Variants in NEBL observed in about 807,000 individuals in gnomAD.
The protein encoded by NEBL is LIM and SH3 protein 2.
In NEBL, 122 loss-of-function variants were observed where a neutral mutation model predicts 140.2. The ratio of observed to expected loss-of-function variants is 0.87; its 90% CI spans 0.75 to 1.01. The LOEUF (loss-of-function observed/expected upper bound fraction) is 1.01, where lower values mean the gene tolerates loss of function less well. NEBL is among the 50% of genes least tolerant of loss of function. The probability of loss-of-function intolerance (pLI) is 0.00; values close to 1 mark genes in which losing one functional copy is unlikely to be tolerated. For missense variants in NEBL, 1,365 were observed against 1,231.3 expected, an observed-to-expected ratio of 1.11 and a Z score of -1.62; for synonymous variants, 436 against 398.9, an observed-to-expected ratio of 1.09 and a Z score of -1.11.
intron 26 of NEBL, among the ~76,000 whole-genome samples, chr10:20,792,486 T>C (rs1243535695): frequency 6.6e-6 from 1 of 152,194 alleles, no homozygotes; most frequent in Non-Finnish European, 1.5e-5. Context: ...TATTAAATAA[T>C]GAACTAGATC....
At chr10:21,259,206 G>A (rs1335409251) in intron 1 of NEBL, among the ~76,000 whole-genome samples, 2 of 151,954 alleles carry the variant, frequency 1.3e-5, no homozygotes, top group African/African-American at 4.8e-5. Flanking sequence ...TTGTGCCTCA[G>A]CCTCCCGAGC....
chr10:20,932,219 C>A (rs1394880088), intron 4 of NEBL, among the ~76,000 whole-genome samples: 1 of 152,194 alleles, frequency 6.6e-6, no homozygotes, highest in Non-Finnish European at 1.5e-5. Flanking sequence ...TTCGTATACA[C>A]CATGGAATAC....
chr10:20,897,094 C>T (rs767502540), intron 1 of NEBL, 31 bp downstream of exon 1: 37 of 1,592,590 alleles, frequency 2.3e-5, no homozygotes, highest in South Asian at 2.1e-4. Context: ...GAGGAACAAA[C>T]GCTGGTCTGA....
At chr10:21,004,364 G>A (rs1366835397) in intron 3 of NEBL, among the ~76,000 whole-genome samples, 1 of 152,112 alleles carries the variant, frequency 6.6e-6, no homozygotes, top group Non-Finnish European at 1.5e-5. Flanking sequence ...AAAATGCCAG[G>A]AGTGTTCATT....
At chr10:21,043,905 T>A (rs1162755698) in intron 2 of NEBL, among the ~76,000 whole-genome samples, 37 of 152,330 alleles carry the variant, frequency 2.4e-4, no homozygotes, top group Admixed American at 2.2e-3. Context: ...GAGAGAATTA[T>A]AAAATGAGTG....
intron 1 of NEBL, among the ~76,000 whole-genome samples, chr10:21,256,659 T>G (rs1368300024): frequency 6.6e-6 from 1 of 152,120 alleles, no homozygotes; most frequent in Non-Finnish European, 1.5e-5. Context: ...AGTGAGACCC[T>G]GTCTCTAAAA....
Position 21,243,447 on chromosome 10 carries a change from C to T in NEBL, n.348+4474G>A, listed in dbSNP as rs183069990. ...TCAGCCTCTGAAGTAGCTGGGATTA[C>T]AGGTGCACGCCATCACGCCTCGCTA... is the stretch of plus-strand genomic sequence containing the variant. On this transcript the variant is annotated intron_variant and non_coding_transcript_variant, in intron 3 of 8. Coordinates refer to the NEBL transcript ENST00000675702. 1.8e-3 allele frequency among the ~76,000 whole-genome samples: 280 copies of T among 152,002 alleles called. 3 individuals carry two copies. The highest frequency in any genetic ancestry group is 6.5e-3 in the African/African-American group (269 of 41,474).
intron 1 of NEBL, among the ~76,000 whole-genome samples, chr10:21,278,942 C>T (rs771218174): frequency 3.3e-5 from 5 of 152,088 alleles, no homozygotes; most frequent in Admixed American, 6.5e-5. Flanking sequence ...ATGGCACCTC[C>T]CTGAGGCCCT....
chr10:21,233,385 A>G (rs1320866678), intron 3 of NEBL, among the ~76,000 whole-genome samples: 2 of 152,096 alleles, frequency 1.3e-5, no homozygotes, highest in African/African-American at 4.8e-5. Flanking sequence ...ACTCTGGCAC[A>G]CTATTCAGAA....
intron 2 of NEBL, among the ~76,000 whole-genome samples, chr10:21,085,617 G>A (rs982955125): frequency 5.3e-5 from 8 of 151,924 alleles, no homozygotes; most frequent in Admixed American, 2.0e-4. Context: ...CCTCAGCGAC[G>A]GAGTAAGACC....
At chr10:20,801,156 C>T (rs1260958640) in intron 26 of NEBL, among the ~76,000 whole-genome samples, 1 of 152,040 alleles carries the variant, frequency 6.6e-6, no homozygotes, top group East Asian at 1.9e-4. Context: ...ATTCCTTTCC[C>T]ATTTCTCTAC....
At chr10:21,170,016 G>C (rs1221554598) in intron 2 of NEBL, among the ~76,000 whole-genome samples, 2 of 152,144 alleles carry the variant, frequency 1.3e-5, no homozygotes, top group Admixed American at 6.5e-5. Context: ...TCAAGTCAAA[G>C]TGCAAAATAG....
At chr10:20,886,164 A>G (rs1046378817) in intron 4 of NEBL, among the ~76,000 whole-genome samples, 8 of 152,136 alleles carry the variant, frequency 5.3e-5, no homozygotes, top group Non-Finnish European at 8.8e-5. Context: ...CATCCTGCAC[A>G]TGTACCCCAG....
chr10:21,166,704 C>T (rs997165329), intron 2 of NEBL, among the ~76,000 whole-genome samples: 3 of 152,182 alleles, frequency 2.0e-5, no homozygotes, highest in Non-Finnish European at 4.4e-5. Context: ...GCTTGGCAAT[C>T]GAGAGACTTG....
intron 2 of NEBL, among the ~76,000 whole-genome samples, chr10:21,079,571 C>G (rs1000695271): frequency 2.0e-5 from 3 of 152,160 alleles, no homozygotes; most frequent in Non-Finnish European, 4.4e-5. Context: ...AAAAATAGGG[C>G]TCCCAGTATA....
At chr10:21,233,504 A>G (rs11594971) in intron 3 of NEBL, among the ~76,000 whole-genome samples, 1 of 151,172 alleles carries the variant, frequency 6.6e-6, no homozygotes, top group Non-Finnish European at 1.5e-5. Flanking sequence ...TGCATACATA[A>G]CTATATCTAT....
chr10:20,873,033 C>T (rs1845127479), intron 5 of NEBL, among the ~76,000 whole-genome samples: 1 of 152,058 alleles, frequency 6.6e-6, no homozygotes, highest in African/African-American at 2.4e-5. Flanking sequence ...GTGTGAGATC[C>T]AAGAACGTCT....
At chr10:20,904,101 G>A (rs1847989434) in intron 4 of NEBL, among the ~76,000 whole-genome samples, 1 of 152,074 alleles carries the variant, frequency 6.6e-6, no homozygotes, top group African/African-American at 2.4e-5. Flanking sequence ...AAAGTTATGT[G>A]CATGTGTTCT....
At chr10:21,082,118 T>G (rs1004196875) in intron 2 of NEBL, among the ~76,000 whole-genome samples, 2 of 151,856 alleles carry the variant, frequency 1.3e-5, no homozygotes, top group African/African-American at 2.4e-5. Context: ...TGAAGAAACA[T>G]CACCCAAACC....
Sources: allele counts gnomAD v4.1 joint callset (sites outside exome capture counted in the v4.1 genomes callset), GRCh38; gene constraint gnomAD v4.1.1; transcripts MANE v1.5; gene names NCBI Gene and HGNC (gene_info 2026-07-23, HGNC 2026-07-21).